The following EFCAB8 variants were observed in gnomAD, a reference collection of about 807,000 sequenced individuals.
The protein encoded by EFCAB8 is EF-hand calcium-binding domain-containing protein 8.
A neutral mutation model predicts 116.3 loss-of-function variants in EFCAB8; 100 were observed. The observed-to-expected ratio is 0.86, with a 90% CI of 0.73 to 1.02. The LOEUF is 1.02. Among genes scored for constraint, EFCAB8 ranks in the 50% least tolerant of loss-of-function variants. The pLI is 0.00. For synonymous variants in EFCAB8, 558 were observed against 567.9 expected, an observed-to-expected ratio of 0.98 and a Z score of 0.25; for missense variants, 1,320 against 1,416.9, an observed-to-expected ratio of 0.93 and a Z score of 1.10.
intron 22 of EFCAB8, among the ~76,000 whole-genome samples, chr20:32,933,197 A>G (rs569090772): frequency 1.3e-4 from 20 of 152,266 alleles, no homozygotes; most frequent in South Asian, 1.0e-3. Context: ...ACTAAACCTA[A>G]GTCTGTCTGA....
intron 6 of EFCAB8, among the ~76,000 whole-genome samples, chr20:32,886,063 G>A (rs1461227938): frequency 1.3e-5 from 2 of 152,192 alleles, no homozygotes; most frequent in Non-Finnish European, 2.9e-5. Context: ...GGAAATCATA[G>A]TGGTTATGAG....
rs537898849 is a variant in EFCAB8 at position 32,901,857 on chromosome 20, T to C, written c.1088+3234T>C. On this transcript the variant is annotated intron_variant, in intron 11 of 26. Transcript: ENST00000400522. ...CACGCGCCATCATGCCCGGCTAATA[T>C]TTGCATTTTTAGTAGAGACGGGGTT... Among the ~76,000 whole-genome samples, 22 of 152,310 alleles carry C rather than the reference T, an allele frequency of 1.4e-4. No individual in the cohort carries two copies. In the South Asian group the frequency reaches 4.6e-3, roughly 32 times the overall value.
intron 23 of EFCAB8, among the ~76,000 whole-genome samples, chr20:32,945,904 T>C (rs1600461064): frequency 6.6e-6 from 1 of 152,228 alleles, no homozygotes; most frequent in Non-Finnish European, 1.5e-5. Context: ...TGGTGTCTAT[T>C]TGCAGTACTG....
At chr20:32,956,943 C>CT (rs61235703) in intron 23 of EFCAB8, among the ~76,000 whole-genome samples, 8,001 of 132,670 alleles carry the variant, frequency 0.06, 564 homozygotes, top group African/African-American at 0.18. Flanking sequence ...ATGCCCTATT[C>CT]TTTTTTTTTT....
intron 20 of EFCAB8, among the ~76,000 whole-genome samples, chr20:32,923,288 C>T (rs1160953914): frequency 6.6e-6 from 1 of 152,168 alleles, no homozygotes; most frequent in East Asian, 1.9e-4. Flanking sequence ...GAGTTCGAAA[C>T]CAGCCTGGGC....
intron 3 of EFCAB8, among the ~76,000 whole-genome samples, chr20:32,874,131 GCCTGGTCTC>G (rs1984830275): frequency 6.6e-6 from 1 of 151,010 alleles, no homozygotes; most frequent in Admixed American, 6.6e-5. Flanking sequence ...ATGTTGCCCA[GCCTGGTCTC>G]AAACTCCTGG....
Position 32,930,459 on chromosome 20 carries a change from T to A in EFCAB8, c.2474T>A (p.Met825Lys). 1 of 1,551,900 alleles carries A rather than the reference T, an allele frequency of 6.4e-7. No individual in the cohort carries two copies. Among genetic ancestry groups the A allele is most frequent in the South Asian group, 1.2e-5 (1 of 84,068 alleles). Residue 825 changes from methionine to lysine, a missense_variant, in exon 21 of 27, where the codon ATG (methionine) becomes AAG (lysine). Met to Lys is a moderately conservative substitution (Grantham distance 95). Transcript: ENST00000400522. Reference protein sequence around the residue: ...PHTAALLSSCMDGYIYAWSLH... With the variant: ...PHTAALLSSCKDGYIYAWSLH... ...ACGGCTGCCCTGCTGAGCAGCTGCA[T>A]GGACGGCTACATCTACGCCTGGTCC...
At chr20:32,861,264 A>G (rs554883348) in intron 1 of EFCAB8, among the ~76,000 whole-genome samples, 4 of 152,200 alleles carry the variant, frequency 2.6e-5, no homozygotes, top group Admixed American at 6.5e-5. Context: ...ACTACCCACC[A>G]TCCTACCCAC....
At chr20:32,916,218 A>G (rs1448476123) in intron 17 of EFCAB8, among the ~76,000 whole-genome samples, 1 of 152,170 alleles carries the variant, frequency 6.6e-6, no homozygotes, top group Non-Finnish European at 1.5e-5. Flanking sequence ...ATTTTCTCAC[A>G]TGGTAGAGAG....
rs1292650542 is a variant in EFCAB8 at position 32,911,711 on chromosome 20, A to G, written c.1785+4A>G. On this transcript the variant is annotated splice_donor_region_variant and intron_variant, in intron 16 of 26. Transcript: ENST00000400522. ...TCCCAGTCCGGAACAGCTGGAGGTC[A>G]GTCTTGCTTGTCAATTACAGCCAGG... 6.4e-7 allele frequency: 1 copy of G among 1,551,568 alleles called. No individual in the cohort carries two copies. Among genetic ancestry groups the G allele is most frequent in the African/African-American group, 1.4e-5 (1 of 73,060 alleles).
In EFCAB8 at chr20:32,886,097, C is replaced by A. The variant is rs564821233; in HGVS notation, c.567+457C>A. On this transcript the variant is annotated intron_variant, in intron 6 of 26. Coordinates refer to ENST00000400522, the MANE Select transcript of EFCAB8 (RefSeq NM_001143967.2). ...AGCATGGGCTCTGGAGCCCAAATCC[C>A]AGGGTCAGAGTCCTAACTGTACCAC... is the stretch of plus-strand genomic sequence containing the variant. Among the ~76,000 whole-genome samples, 27 of 152,332 alleles carry A rather than the reference C, an allele frequency of 1.8e-4. 1 individual carries two copies. The South Asian group carries it at 3.5e-3, about 20-fold the overall frequency.
intron 22 of EFCAB8, among the ~76,000 whole-genome samples, chr20:32,934,592 T>C (rs1988031661): frequency 6.6e-6 from 1 of 152,246 alleles, no homozygotes; most frequent in East Asian, 1.9e-4. Context: ...AAATCTCATC[T>C]TGAATTGTAG....
chr20:32,889,477 C>A lies in EFCAB8; in HGVS notation c.673+71C>A. 5 of 1,441,776 alleles carry A rather than the reference C, an allele frequency of 3.5e-6. No individual in the cohort carries two copies. In the South Asian group the frequency reaches 6.2e-5, roughly 18 times the overall value. The allele number at this position is 1,441,776 out of a possible 1,614,324, so 89.3% of individuals were successfully genotyped here. A position where few individuals can be genotyped will look rare whatever the true frequency, so the allele number is the denominator to read the frequency against. ...CCATGCATTTGTGCCTGGGAGAAGT[C>A]TGTTGGCTGAGCAACTGTGAACATG... is the stretch of plus-strand genomic sequence containing the variant. On this transcript the variant is annotated intron_variant, in intron 7 of 26. Transcript: ENST00000400522.
chr20:32,916,757 A>G (rs1987208346), intron 17 of EFCAB8, among the ~76,000 whole-genome samples: 1 of 152,188 alleles, frequency 6.6e-6, no homozygotes, highest in Non-Finnish European at 1.5e-5. Context: ...ATTTATAATT[A>G]TAAAGTATAT....
At position 32,920,066 on chromosome 20, in the gene EFCAB8, C is replaced by T; in HGVS notation, c.2275-12C>T. On this transcript the variant is annotated splice_polypyrimidine_tract_variant and intron_variant, in intron 19 of 26. Coordinates refer to ENST00000400522, the MANE Select transcript of EFCAB8 (RefSeq NM_001143967.2). Reference sequence around the variant, plus strand: ...CCCTCATGGTGACTTGGGTGCCCATCTTTCTTTCCAGAAACCTTCCAGTGC... The same window carrying T: ...CCCTCATGGTGACTTGGGTGCCCATTTTTCTTTCCAGAAACCTTCCAGTGC... 6.4e-7 allele frequency: 1 copy of T among 1,551,748 alleles called. No homozygotes were observed. Among genetic ancestry groups the T allele is most frequent in the Non-Finnish European group, 8.7e-7 (1 of 1,147,016 alleles).
At position 32,961,126 on chromosome 20, in the gene EFCAB8, T is replaced by G; in HGVS notation, c.3394-10T>G. On this transcript the variant is annotated splice_polypyrimidine_tract_variant and intron_variant, in intron 26 of 26. Transcript: ENST00000400522. ...TGCCCCATTCCCGCTCCCCACTCTG[T>G]TCCCTGCAGATCTCGCCTCAGGTCT... The G allele has an allele frequency of 6.4e-7, 1 of 1,551,582 alleles. No homozygotes were observed. Among genetic ancestry groups the G allele is most frequent in the Non-Finnish European group, 8.7e-7 (1 of 1,146,584 alleles).
chr20:32,896,874 T>C (rs1212908918), intron 10 of EFCAB8, among the ~76,000 whole-genome samples: 1 of 152,174 alleles, frequency 6.6e-6, no homozygotes, highest in Non-Finnish European at 1.5e-5. Flanking sequence ...AGAAATACAG[T>C]TGAGTCACCC....
intron 7 of EFCAB8, among the ~76,000 whole-genome samples, chr20:32,891,922 A>G (rs6058942): frequency 0.62 from 94,092 of 151,704 alleles, 29,999 homozygotes; most frequent in Middle Eastern, 0.79. Flanking sequence ...TCAAACTCCT[A>G]GGCTCAAGCA....
intron 23 of EFCAB8, among the ~76,000 whole-genome samples, chr20:32,951,482 A>C (rs1239865196): frequency 6.6e-6 from 1 of 152,212 alleles, no homozygotes; most frequent in Non-Finnish European, 1.5e-5. Context: ...GCATCTATTT[A>C]TATAAAATTT....
Sources: gnomAD v4.1 joint callset for allele counts (sites outside exome capture counted in the v4.1 genomes callset) on GRCh38, gnomAD v4.1.1 for gene constraint, MANE v1.5 for transcripts, NCBI Gene and HGNC (gene_info 2026-07-23, HGNC 2026-07-21) for gene names.